Variants in RBFOX1 observed in about 807,000 individuals in gnomAD.
The protein encoded by RBFOX1 is RNA binding protein fox-1 homolog 1.
In RBFOX1, 8 loss-of-function variants were observed where a neutral mutation model predicts 57.7. The observed-to-expected ratio is 0.14, with a 90% CI of 0.08 to 0.25. The LOEUF (loss-of-function observed/expected upper bound fraction) is 0.25. Ranked by LOEUF, RBFOX1 falls within the 10% of genes least tolerant of loss-of-function variation. The pLI is 1.00. For synonymous variants in RBFOX1, 326 were observed against 222.4 expected, an observed-to-expected ratio of 1.47 and a Z score of -4.15; for missense variants, 611 against 548.5, an observed-to-expected ratio of 1.11 and a Z score of -1.14.
intron 4 of RBFOX1, among the ~76,000 whole-genome samples, chr16:7,079,603 T>C (rs966896422): frequency 7.2e-5 from 11 of 152,164 alleles, no homozygotes; most frequent in Non-Finnish European, 1.5e-4. Context: ...AAATGCCATA[T>C]TGAATAAGTA....
At chr16:5,613,070 G>T (rs2047881824) in intron 3 of RBFOX1, among the ~76,000 whole-genome samples, 1 of 152,166 alleles carries the variant, frequency 6.6e-6, no homozygotes, top group Admixed American at 6.5e-5. Flanking sequence ...GGGCCCTGAT[G>T]GGTTTTCAAG....
chr16:7,482,486 TTGTTGTTG>T (rs2064224134), intron 4 of RBFOX1, among the ~76,000 whole-genome samples: 1 of 144,692 alleles, frequency 6.9e-6, no homozygotes, highest in Non-Finnish European at 1.5e-5. Context: ...GTTGTTGTTG[TTGTTGTTG>T]TTTCTTAAAT....
chr16:7,131,066 C>T (rs1189166706), intron 4 of RBFOX1, among the ~76,000 whole-genome samples: 2 of 152,078 alleles, frequency 1.3e-5, no homozygotes, highest in East Asian at 1.9e-4. Flanking sequence ...AGCTTCTGGC[C>T]GGGCATGGTG....
At chr16:7,076,649 T>C (rs1359583571) in intron 4 of RBFOX1, among the ~76,000 whole-genome samples, 2 of 152,212 alleles carry the variant, frequency 1.3e-5, no homozygotes, top group Non-Finnish European at 2.9e-5. Context: ...CCCAATAATA[T>C]ACCATCATAC....
intron 3 of RBFOX1, among the ~76,000 whole-genome samples, chr16:5,845,941 G>A (rs1056096791): frequency 6.6e-6 from 1 of 152,178 alleles, no homozygotes; most frequent in Non-Finnish European, 1.5e-5. Context: ...GGGAGGCTGA[G>A]GTGGGCAGAT....
intron 1 of RBFOX1, among the ~76,000 whole-genome samples, chr16:6,268,109 G>C (rs1266847941): frequency 2.0e-5 from 3 of 152,164 alleles, no homozygotes; most frequent in African/African-American, 7.2e-5. Context: ...CCTCAGCTCA[G>C]TGTTTTAAAA....
intron 3 of RBFOX1, among the ~76,000 whole-genome samples, chr16:6,667,653 G>T (rs1192855181): frequency 6.6e-6 from 1 of 152,054 alleles, no homozygotes; most frequent in African/African-American, 2.4e-5. Context: ...GACACAAGTG[G>T]GAGGATTACT....
chr16:7,002,973 A>G (rs777604308), intron 3 of RBFOX1, among the ~76,000 whole-genome samples: 1 of 152,056 alleles, frequency 6.6e-6, no homozygotes, highest in African/African-American at 2.4e-5. Flanking sequence ...TCAACATTTT[A>G]TTACAGTTAT....
chr16:6,519,466 C>T (rs894478487), intron 2 of RBFOX1, among the ~76,000 whole-genome samples: 1 of 152,010 alleles, frequency 6.6e-6, no homozygotes, highest in Non-Finnish European at 1.5e-5. Flanking sequence ...TTTGGGAGGC[C>T]AACTCAGGAA....
At chr16:6,314,108 G>A (rs2080761183) in intron 1 of RBFOX1, among the ~76,000 whole-genome samples, 1 of 152,122 alleles carries the variant, frequency 6.6e-6, no homozygotes, top group African/African-American at 2.4e-5. Context: ...TATTACCTGG[G>A]TACCAAGTAC....
At chr16:6,413,693 C>G (rs2093538306) in intron 2 of RBFOX1, among the ~76,000 whole-genome samples, 1 of 152,182 alleles carries the variant, frequency 6.6e-6, no homozygotes, top group Admixed American at 6.5e-5. Context: ...AATCCAGGAT[C>G]TTTTGATGTG....
intron 4 of RBFOX1, among the ~76,000 whole-genome samples, chr16:7,435,043 T>G (rs2098711289): frequency 6.6e-6 from 1 of 152,230 alleles, no homozygotes; most frequent in Admixed American, 6.5e-5. Flanking sequence ...ATATTTTACA[T>G]ATGGTACGTT....
At chr16:6,751,998 C>G (rs751317401) in intron 3 of RBFOX1, among the ~76,000 whole-genome samples, 4 of 152,080 alleles carry the variant, frequency 2.6e-5, no homozygotes, top group Non-Finnish European at 4.4e-5. Flanking sequence ...TTAATAGGAT[C>G]CCAGTTGGAA....
rs535414697 is a variant in RBFOX1, at chr16:6,934,183, C to G, written c.-15-117874C>G. Among the ~76,000 whole-genome samples the G allele has an allele frequency of 5.5e-4, 84 of 152,264 alleles. 2 individuals carry two copies. In the South Asian group the frequency reaches 0.017, roughly 31 times the overall value. On this transcript the variant is annotated intron_variant, in intron 3 of 15. Coordinates refer to ENST00000550418, the MANE Select transcript of RBFOX1 (RefSeq NM_018723.4). Reference sequence around the variant, plus strand: ...AGTTTTCCTAACAGTATGTGCATACCTAGCTGCAGTTCCTGGTCTAGGGAT... The same window carrying G: ...AGTTTTCCTAACAGTATGTGCATACGTAGCTGCAGTTCCTGGTCTAGGGAT...
intron 2 of RBFOX1, among the ~76,000 whole-genome samples, chr16:6,457,496 A>T (rs891666055): frequency 1.4e-5 from 2 of 146,624 alleles, no homozygotes; most frequent in South Asian, 2.1e-4. Flanking sequence ...TCCATGATAC[A>T]CTGTGAATTA....
rs2094055221 is a variant in RBFOX1 at position 7,585,438 on chromosome 16, G to A, written c.415-1809G>A. ...CGTTTCCATTGTGCATGCAAGCAAT[G>A]TGACCCCTTTCCATGTTCTCTTCTG... On this transcript the variant is annotated intron_variant, in intron 6 of 15. Coordinates refer to ENST00000550418, the MANE Select transcript of RBFOX1 (RefSeq NM_018723.4). 7.2e-5 allele frequency among the ~76,000 whole-genome samples: 11 copies of A among 152,152 alleles called. No individual in the cohort carries two copies. The South Asian group carries it at 2.3e-3, about 32-fold the overall frequency.
chr16:7,500,704 C>G (rs1044258135), intron 4 of RBFOX1, among the ~76,000 whole-genome samples: 4 of 152,198 alleles, frequency 2.6e-5, no homozygotes, highest in Non-Finnish European at 5.9e-5. Context: ...TTCTGACTTT[C>G]TTTCAATATT....
intron 2 of RBFOX1, among the ~76,000 whole-genome samples, chr16:5,551,382 C>A (rs1046148328): frequency 3.3e-5 from 5 of 152,166 alleles, no homozygotes; most frequent in African/African-American, 1.2e-4. Flanking sequence ...GGTTGTTGGA[C>A]GGGACACAGC....
intron 3 of RBFOX1, among the ~76,000 whole-genome samples, chr16:6,848,735 T>C (rs1193155253): frequency 2.6e-5 from 4 of 152,062 alleles, no homozygotes; most frequent in South Asian, 2.1e-4. Flanking sequence ...TAACGTTCAG[T>C]AACATATGAC....
Sources: gnomAD v4.1 joint callset for allele counts (sites outside exome capture counted in the v4.1 genomes callset) on GRCh38, gnomAD v4.1.1 for gene constraint, MANE v1.5 for transcripts, NCBI Gene and HGNC (gene_info 2026-07-23, HGNC 2026-07-21) for gene names.